The following PNPT1 variants were observed in gnomAD, a reference collection of about 807,000 sequenced individuals.
PNPT1 encodes polyribonucleotide nucleotidyltransferase 1, mitochondrial.
Under a neutral mutation model 119.5 loss-of-function variants are expected in PNPT1, and 53 were observed. The observed-to-expected ratio is 0.44, with a 90% CI of 0.36 to 0.56. The LOEUF (loss-of-function observed/expected upper bound fraction) is 0.56, where lower values mean the gene tolerates loss of function less well. Ranked by LOEUF, PNPT1 falls within the 20% of genes least tolerant of loss-of-function variation. The pLI, the probability that PNPT1 is intolerant of heterozygous loss-of-function variation, is 0.00. For missense variants in PNPT1, 948 were observed against 938.5 expected, an observed-to-expected ratio of 1.01 and a Z score of -0.13; for synonymous variants, 357 against 322.1, an observed-to-expected ratio of 1.11 and a Z score of -1.16.
chr2:55,640,404 G>A (rs549842135), intron 26 of PNPT1, among the ~76,000 whole-genome samples: 3 of 152,180 alleles, frequency 2.0e-5, no homozygotes, highest in South Asian at 2.1e-4. Context: ...CACCCGCCTC[G>A]GACTTCCAGA....
In PNPT1 at chr2:55,667,585, CA is replaced by C. The variant is rs61218984; in HGVS notation, c.1073+276del. 0.51 allele frequency among the ~76,000 whole-genome samples: 69,798 copies of C among 135,626 alleles called. 16,978 individuals are homozygous for C. The highest frequency in any genetic ancestry group is 0.65 in the African/African-American group (24,802 of 37,954). 89.0% of individuals were successfully genotyped at this position (135,626 alleles called of 152,430 possible). On this transcript the variant is annotated intron_variant, in intron 12 of 27. Coordinates refer to ENST00000447944, the MANE Select transcript of PNPT1 (RefSeq NM_033109.5). Reference sequence around the variant, plus strand: ...TGGGTGACAGAGCGAGACTCTGTCTCAAAAAAAAAAAACAAAAAACAAACAA... The same window carrying C: ...TGGGTGACAGAGCGAGACTCTGTCTCAAAAAAAAAAACAAAAAACAAACAA...
At chr2:55,689,595 AG>A (rs1443193798) in intron 1 of PNPT1, among the ~76,000 whole-genome samples, 3 of 152,246 alleles carry the variant, frequency 2.0e-5, no homozygotes, top group Non-Finnish European at 2.9e-5. Context: ...GTTAAGTGAA[AG>A]AAGACAGTCA....
intron 1 of PNPT1, among the ~76,000 whole-genome samples, chr2:55,693,238 G>A (rs1697679082): frequency 6.6e-6 from 1 of 152,198 alleles, no homozygotes; most frequent in African/African-American, 2.4e-5. Context: ...CTAGCCACCC[G>A]GAGCCTCTGC....
chr2:55,642,411 C>A (rs926064981), intron 25 of PNPT1, among the ~76,000 whole-genome samples: 3 of 151,008 alleles, frequency 2.0e-5, no homozygotes, highest in Admixed American at 2.0e-4. Context: ...TCGAGACCAT[C>A]CTGGCTAACA....
chr2:55,686,391 A>AG lies in PNPT1; in HGVS notation c.275dup (p.Ser93PhefsTer9). ...TTACCACCAAAGGCATAAACTGGGA[A>AG]GGGGAAGGTTTTGTTTTACTGACCG... On this transcript the variant is annotated frameshift_variant, in exon 3 of 28. Transcript: ENST00000447944. LOFTEE classifies it high-confidence loss of function. The AG allele has an allele frequency of 6.2e-7, 1 of 1,613,432 alleles. No homozygotes were observed. Among genetic ancestry groups the AG allele is most frequent in the Non-Finnish European group, 8.5e-7 (1 of 1,179,396 alleles).
At chr2:55,677,857 A>G (rs1476454209) in intron 8 of PNPT1, among the ~76,000 whole-genome samples, 1 of 151,750 alleles carries the variant, frequency 6.6e-6, no homozygotes, top group African/African-American at 2.4e-5. Flanking sequence ...CTCCTGCCTC[A>G]GCCTCCCAGT....
rs1184288105 is a variant in PNPT1 at position 55,654,936 on chromosome 2, A to G, written c.1459T>C (p.Ser487Pro). 11 of 1,613,646 alleles carry G rather than the reference A, an allele frequency of 6.8e-6. No individual in the cohort carries two copies. Among genetic ancestry groups the G allele is most frequent in the Non-Finnish European group, 9.3e-6 (11 of 1,179,730 alleles). The change falls in exon 18 of 28, where the codon TCT (serine) becomes CCT (proline). Residue 487 changes from serine to proline, a missense_variant. Physicochemically the swap from Ser to Pro is moderately conservative, Grantham distance 74. Coordinates refer to ENST00000447944, the MANE Select transcript of PNPT1 (RefSeq NM_033109.5). ...LESNGSSSMASACGGSLALMD... is the reference protein window; with the variant it reads ...LESNGSSSMAPACGGSLALMD... ...AATGCTAAACTTCCGCCACATGCAG[A>G]TGCCATAGAAGATGACCCTATAGAA...
chr2:55,672,812 G>C (rs1696954609), intron 9 of PNPT1, 81 bp downstream of exon 9: 2 of 1,309,004 alleles, frequency 1.5e-6, no homozygotes, highest in East Asian at 4.8e-5. Context: ...CATGGGCAGT[G>C]CTTCCATGGG....
At chr2:55,670,528 C>T (rs1337535636) in intron 11 of PNPT1, among the ~76,000 whole-genome samples, 1 of 152,122 alleles carries the variant, frequency 6.6e-6, no homozygotes, top group Non-Finnish European at 1.5e-5. Context: ...TTAATAATTT[C>T]TGGAGAGCTA....
chr2:55,670,727 G>A (rs1328208421), intron 11 of PNPT1, among the ~76,000 whole-genome samples: 1 of 152,080 alleles, frequency 6.6e-6, no homozygotes. Flanking sequence ...GAATATATTT[G>A]GGTTTTCAAA....
At chr2:55,693,636 A>T in intron 1 of PNPT1, 27 bp downstream of exon 1, 1 of 1,613,466 alleles carries the variant, frequency 6.2e-7, no homozygotes, top group Admixed American at 1.7e-5. Flanking sequence ...CCTTATGACA[A>T]TACAGTGAAC....
intron 26 of PNPT1, among the ~76,000 whole-genome samples, chr2:55,638,166 G>T (rs566129604): frequency 1.3e-5 from 2 of 151,856 alleles, no homozygotes; most frequent in African/African-American, 2.4e-5. Flanking sequence ...GCTGGGTGTC[G>T]TGGCACACGC....
chr2:55,640,455 T>A (rs1695802487), intron 26 of PNPT1, among the ~76,000 whole-genome samples, 172 bp downstream of exon 26: 1 of 152,184 alleles, frequency 6.6e-6, no homozygotes, highest in Non-Finnish European at 1.5e-5. Context: ...CCCAGCCAAT[T>A]TTTCTTTATG....
At chr2:55,644,486 TCA>T (rs1320343973) in intron 23 of PNPT1, 149 bp downstream of exon 23, 2 of 453,614 alleles carry the variant, frequency 4.4e-6, no homozygotes, top group South Asian at 7.2e-5. Context: ...CACAGAAAAC[TCA>T]CAGTCAAGAC....
chr2:55,675,654 C>A (rs1697044388), intron 8 of PNPT1, among the ~76,000 whole-genome samples: 1 of 151,918 alleles, frequency 6.6e-6, no homozygotes, highest in Non-Finnish European at 1.5e-5. Flanking sequence ...TGTATAATCA[C>A]ACCATTGCAT....
chr2:55,644,813 A>G, intron 22 of PNPT1, 93 bp from the exon 23 acceptor site: 1 of 643,810 alleles, frequency 1.6e-6, no homozygotes. Context: ...TTTTTTTTTG[A>G]CCTAGACACA....
chr2:55,689,517 T>C (rs1697524310), intron 1 of PNPT1, among the ~76,000 whole-genome samples: 1 of 152,242 alleles, frequency 6.6e-6, no homozygotes, highest in African/African-American at 2.4e-5. Context: ...AACTGATTAT[T>C]ATTCAGCGAT....
intron 15 of PNPT1, 40 bp downstream of exon 15, chr2:55,660,117 A>C (rs1464555498): frequency 6.5e-7 from 1 of 1,528,864 alleles, no homozygotes; most frequent in Non-Finnish European, 8.8e-7. Context: ...AAAATTTATT[A>C]ATTTATTAAT....
rs1365308037 is a variant in PNPT1, at chr2:55,680,751, C to A, written c.526G>T (p.Ala176Ser). 6.2e-7 allele frequency: 1 copy of A among 1,613,484 alleles called. No individual in the cohort carries two copies. The highest frequency in any genetic ancestry group is 8.5e-7 in the Non-Finnish European group (1 of 1,179,850). ...DVLAINGASV[A>S]LSLSDIPWNG... ...CAAGGAATATCTGATAATGAGAGGG[C>A]TACGGAAGCTTAAAAAAGGAGAAAA... The change falls in exon 7 of 28, where the codon GCC (alanine) becomes TCC (serine). Residue 176 changes from alanine to serine, a missense_variant. By Grantham distance (99) the Ala-to-Ser change is moderately conservative (BLOSUM62 1). Transcript: ENST00000447944.
Sources: allele counts gnomAD v4.1 joint callset (sites outside exome capture counted in the v4.1 genomes callset), GRCh38; gene constraint gnomAD v4.1.1; transcripts MANE v1.5; gene names NCBI Gene and HGNC (gene_info 2026-07-23, HGNC 2026-07-21).